LRRC1: variants seen among roughly 807,000 people sequenced by gnomAD.
LRRC1 encodes the protein leucine rich repeat containing 1, also known as leucine-rich repeat-containing protein 1.
A neutral mutation model predicts 69.9 loss-of-function variants in LRRC1; 28 were observed. That is an observed-to-expected ratio of 0.40 (90% CI 0.30 to 0.55). The LOEUF (loss-of-function observed/expected upper bound fraction) is 0.55, where lower values mean the gene tolerates loss of function less well. Ranked by LOEUF, LRRC1 falls within the 20% of genes least tolerant of loss-of-function variation. The pLI is 0.47. For missense variants in LRRC1, 498 were observed against 609.0 expected (o/e 0.82, Z 1.92); for synonymous variants, 236 against 240.2 (o/e 0.98, Z 0.16).
At chr6:53,836,938 GTT>G (rs1765628152) in intron 1 of LRRC1, among the ~76,000 whole-genome samples, 1 of 152,014 alleles carries the variant, frequency 6.6e-6, no homozygotes, top group Non-Finnish European at 1.5e-5. Flanking sequence ...AAACAAATTA[GTT>G]CAGGTGATTT....
chr6:53,889,298 G>T (rs1347913498), intron 4 of LRRC1, among the ~76,000 whole-genome samples: 1 of 152,092 alleles, frequency 6.6e-6, no homozygotes, highest in Non-Finnish European at 1.5e-5. Context: ...ACAGTTTGGG[G>T]AGGTCCTCCT....
intron 1 of LRRC1, among the ~76,000 whole-genome samples, chr6:53,833,235 C>T (rs1191962880): frequency 6.6e-6 from 1 of 152,202 alleles, no homozygotes; most frequent in African/African-American, 2.4e-5. Flanking sequence ...CTTCTTTTCT[C>T]CAAGTGATTG....
intron 2 of LRRC1, among the ~76,000 whole-genome samples, chr6:53,857,377 A>T (rs1766345383): frequency 6.6e-6 from 1 of 152,206 alleles, no homozygotes; most frequent in Non-Finnish European, 1.5e-5. Flanking sequence ...GACAGAGCAG[A>T]GGTCATCACT....
intron 2 of LRRC1, among the ~76,000 whole-genome samples, chr6:53,859,810 A>T (rs953340364): frequency 6.6e-6 from 1 of 152,206 alleles, no homozygotes; most frequent in Non-Finnish European, 1.5e-5. Context: ...TCCCAGAATG[A>T]AATAGACTTG....
chr6:53,836,267 C>T (rs143389644), intron 1 of LRRC1, among the ~76,000 whole-genome samples: 22 of 152,314 alleles, frequency 1.4e-4, no homozygotes, highest in South Asian at 1.0e-3. Flanking sequence ...ACCTAACCAA[C>T]GCACAGAAAC....
chr6:53,833,148 C>A (rs1765478689), intron 1 of LRRC1, among the ~76,000 whole-genome samples: 1 of 152,168 alleles, frequency 6.6e-6, no homozygotes, highest in Non-Finnish European at 1.5e-5. Context: ...CTGGTCCTCC[C>A]ATGTCAACAG....
chr6:53,825,847 G>T (rs554251925), intron 1 of LRRC1, among the ~76,000 whole-genome samples: 1 of 152,124 alleles, frequency 6.6e-6, no homozygotes, highest in East Asian at 1.9e-4. Context: ...CCTTTTGATT[G>T]TTCTTTATGC....
chr6:53,812,947 A>G (rs1003435886), intron 1 of LRRC1, among the ~76,000 whole-genome samples: 2 of 151,584 alleles, frequency 1.3e-5, no homozygotes, highest in Non-Finnish European at 2.9e-5. Context: ...TTTTTCCTCT[A>G]GAGTGCTCAA....
At chr6:53,902,824 A>C in intron 9 of LRRC1, 77 bp downstream of exon 9, 1 of 908,986 alleles carries the variant, frequency 1.1e-6, no homozygotes, top group Non-Finnish European at 1.7e-6. Flanking sequence ...AGTGGACTAA[A>C]TGGAAATTTC....
chr6:53,862,268 G>A (rs1402598360), intron 2 of LRRC1, among the ~76,000 whole-genome samples: 1 of 150,028 alleles, frequency 6.7e-6, no homozygotes, highest in African/African-American at 2.5e-5. Context: ...TCTTCTTGAA[G>A]TAGCCATTAA....
intron 4 of LRRC1, among the ~76,000 whole-genome samples, chr6:53,892,128 G>A (rs1055133391): frequency 4.0e-5 from 6 of 150,860 alleles, no homozygotes; most frequent in Non-Finnish European, 5.9e-5. Flanking sequence ...CGAGTGAGAG[G>A]CAGCACAACA....
chr6:53,803,731 G>GT (rs1219371836), intron 1 of LRRC1, among the ~76,000 whole-genome samples: 2 of 152,106 alleles, frequency 1.3e-5, no homozygotes, highest in Non-Finnish European at 2.9e-5. Context: ...GAAATTTGGT[G>GT]TTTTTGTTTC....
intron 1 of LRRC1, among the ~76,000 whole-genome samples, chr6:53,815,928 T>C (rs1346583686): frequency 6.6e-6 from 1 of 152,384 alleles, no homozygotes; most frequent in Middle Eastern, 3.4e-3. Flanking sequence ...AAATGCTTCC[T>C]GTATCCAGGA....
At chr6:53,811,760 T>C (rs1764799687) in intron 1 of LRRC1, among the ~76,000 whole-genome samples, 1 of 152,230 alleles carries the variant, frequency 6.6e-6, no homozygotes, top group South Asian at 2.1e-4. Context: ...GACACTCAGC[T>C]AGGAGAAGCC....
intron 1 of LRRC1, among the ~76,000 whole-genome samples, chr6:53,810,371 A>AG (rs1764756500): frequency 6.6e-6 from 1 of 152,248 alleles, no homozygotes; most frequent in Non-Finnish European, 1.5e-5. Flanking sequence ...CTGTAATCCC[A>AG]GCACTTTGGG....
intron 2 of LRRC1, among the ~76,000 whole-genome samples, chr6:53,843,043 A>G (rs749277683): frequency 2.0e-4 from 30 of 152,142 alleles, no homozygotes; most frequent in Non-Finnish European, 4.1e-4. Context: ...TTGTTGTAGC[A>G]TATTTGATTT....
chr6:53,896,539 T>G lies in LRRC1; in HGVS notation c.488T>G (p.Leu163Arg). Residue 163 changes from leucine (L) to arginine (R), a missense_variant, in exon 5 of 14, where the codon CTT becomes CGT. Around this residue, in one of 3 missense-constraint regions of LRRC1, gnomAD observed 266 missense variants for 383.9 expected, o/e 0.69. Coordinates refer to ENST00000370888, the MANE Select transcript of LRRC1 (RefSeq NM_018214.5). ...TCACTGGAACTGAGAGAGAATCTTC[T>G]TACATATCTTCCTGAGTGAGTCTTT... ...LASLELRENL[L>R]TYLPDSLTQL... 1 of 1,612,702 alleles carries G rather than the reference T, an allele frequency of 6.2e-7. No homozygotes were observed. The highest frequency in any genetic ancestry group is 8.5e-7 in the Non-Finnish European group (1 of 1,178,744).
intron 10 of LRRC1, among the ~76,000 whole-genome samples, chr6:53,911,494 C>A (rs1355341649): frequency 6.6e-6 from 1 of 152,196 alleles, no homozygotes; most frequent in Non-Finnish European, 1.5e-5. Flanking sequence ...TGTATGTCTT[C>A]CAGGAGCTGA....
chr6:53,865,494 G>A (rs568875161), intron 2 of LRRC1, among the ~76,000 whole-genome samples: 8 of 152,176 alleles, frequency 5.3e-5, no homozygotes, highest in Non-Finnish European at 1.2e-4. Context: ...ATTCCTGTTA[G>A]GGTTCCCTCT....
Sources: allele counts gnomAD v4.1 joint callset (sites outside exome capture counted in the v4.1 genomes callset), GRCh38; gene constraint gnomAD v4.1.1; regional missense constraint gnomAD v4.1.1; transcripts MANE v1.5; gene names NCBI Gene and HGNC (gene_info 2026-07-23, HGNC 2026-07-21).